NR3C2: variants seen among roughly 807,000 people sequenced by gnomAD.
NR3C2 encodes nuclear receptor subfamily 3 group C member 2.
Under a neutral mutation model 86.4 loss-of-function variants are expected in NR3C2, and 15 were observed. The observed-to-expected ratio is 0.17, with a 90% confidence interval of 0.12 to 0.27. NR3C2 has a LOEUF of 0.27. Ranked by LOEUF, NR3C2 falls within the 10% of genes least tolerant of loss-of-function variation. The pLI is 1.00. For synonymous variants in NR3C2, 458 were observed against 450.5 expected, an observed-to-expected ratio of 1.02 and a Z score of -0.21; for missense variants, 960 against 1,195.6, an observed-to-expected ratio of 0.80 and a Z score of 2.91.
At chr4:148,125,509 A>C (rs539821478) in intron 6 of NR3C2, among the ~76,000 whole-genome samples, 33 of 152,318 alleles carry the variant, frequency 2.2e-4, no homozygotes, top group African/African-American at 7.9e-4. Context: ...TCTGCTTTAA[A>C]GCACCCTGCC....
At chr4:148,320,652 G>A (rs1314852466) in intron 2 of NR3C2, among the ~76,000 whole-genome samples, 1 of 151,802 alleles carries the variant, frequency 6.6e-6, no homozygotes, top group African/African-American at 2.4e-5. Context: ...AGATTTTCTA[G>A]TTTATTTGCA....
intron 2 of NR3C2, among the ~76,000 whole-genome samples, chr4:148,319,117 C>A (rs1445074151): frequency 6.6e-6 from 1 of 151,494 alleles, no homozygotes; most frequent in Non-Finnish European, 1.5e-5. Flanking sequence ...TTCCCAGCAC[C>A]ATTTATTAAA....
chr4:148,154,456 A>AC, intron 5 of NR3C2, 95 bp downstream of exon 5: 1 of 1,132,508 alleles, frequency 8.8e-7, no homozygotes, highest in African/African-American at 1.5e-5. Context: ...ATTTCATAGA[A>AC]CGCAAACTCC....
intron 6 of NR3C2, among the ~76,000 whole-genome samples, chr4:148,138,227 AC>A (rs1733441949): frequency 6.6e-6 from 1 of 152,036 alleles, no homozygotes; most frequent in African/African-American, 2.4e-5. Context: ...ACCGGGGCTT[AC>A]GTCTTCAACA....
chr4:148,386,297 T>G (rs1024625505), intron 2 of NR3C2, among the ~76,000 whole-genome samples: 1 of 152,166 alleles, frequency 6.6e-6, no homozygotes, highest in African/African-American at 2.4e-5. Flanking sequence ...GCCACTCCCT[T>G]GTGTGGTCAC....
chr4:148,232,690 G>A lies in NR3C2; in HGVS notation c.1897+27288C>T, dbSNP rs142799904. ...GCACTGTCTTCTTCTAACTATCAAA[G>A]TCATAGGTGGCATCTATCTTCCAAT... On this transcript the variant is annotated intron_variant, in intron 3 of 8. Transcript: ENST00000358102. Among the ~76,000 whole-genome samples the A allele has an allele frequency of 3.8e-4, 58 of 152,272 alleles. No individual in the cohort carries two copies. In the East Asian group the frequency reaches 0.01, roughly 27 times the overall value.
At chr4:148,413,555 A>G (rs909048461) in intron 2 of NR3C2, among the ~76,000 whole-genome samples, 4 of 152,044 alleles carry the variant, frequency 2.6e-5, no homozygotes, top group African/African-American at 9.7e-5. Context: ...AAGCACAAGC[A>G]GTAGACTGGG....
intron 2 of NR3C2, among the ~76,000 whole-genome samples, chr4:148,384,038 G>A (rs539122916): frequency 6.6e-6 from 1 of 150,842 alleles, no homozygotes; most frequent in East Asian, 1.9e-4. Flanking sequence ...GGTTTTTGTT[G>A]GTTTGTAAGA....
At chr4:148,428,374 A>AT (rs1328051729) in intron 2 of NR3C2, among the ~76,000 whole-genome samples, 2 of 152,172 alleles carry the variant, frequency 1.3e-5, no homozygotes, top group African/African-American at 4.8e-5. Flanking sequence ...CTGCCCTTTA[A>AT]TTTTCAAAAG....
intron 2 of NR3C2, among the ~76,000 whole-genome samples, chr4:148,265,940 A>T (rs1197065438): frequency 1.3e-5 from 2 of 152,218 alleles, no homozygotes; most frequent in Admixed American, 6.5e-5. Flanking sequence ...GTCATGGCGA[A>T]TAGAGAGACA....
chr4:148,264,204 T>A (rs1250127279), intron 2 of NR3C2, among the ~76,000 whole-genome samples: 1 of 152,220 alleles, frequency 6.6e-6, no homozygotes, highest in African/African-American at 2.4e-5. Context: ...ATATGCATTA[T>A]TAACACAAGA....
intron 3 of NR3C2, chr4:148,208,690 T>C (rs1737127258): frequency 6.6e-6 from 1 of 152,326 alleles, no homozygotes; most frequent in African/African-American, 2.4e-5. Flanking sequence ...CACTCTGCCT[T>C]CTGGGCTGGA....
intron 2 of NR3C2, among the ~76,000 whole-genome samples, chr4:148,372,801 C>A (rs1746484622): frequency 6.6e-6 from 1 of 152,180 alleles, no homozygotes; most frequent in African/African-American, 2.4e-5. Flanking sequence ...ATATGCTAAT[C>A]CTTCCACTGA....
intron 6 of NR3C2, among the ~76,000 whole-genome samples, chr4:148,136,469 A>G (rs1733348331): frequency 6.6e-6 from 1 of 152,054 alleles, no homozygotes. Flanking sequence ...TGACAGCTTC[A>G]ACTCTGGATT....
At chr4:148,407,368 T>A (rs183082260) in intron 2 of NR3C2, among the ~76,000 whole-genome samples, 6 of 152,304 alleles carry the variant, frequency 3.9e-5, no homozygotes, top group African/African-American at 1.4e-4. Context: ...TCAGAGTCAA[T>A]GGCCGTAAGT....
chr4:148,104,876 G>A (rs934015882), intron 8 of NR3C2, among the ~76,000 whole-genome samples: 1 of 152,226 alleles, frequency 6.6e-6, no homozygotes, highest in South Asian at 2.1e-4. Flanking sequence ...CACTCTTTCT[G>A]TTGTCCGCAG....
upstream of NR3C2, chr4:148,444,484 C>G (rs983821132): frequency 1.0e-6 from 1 of 985,926 alleles, no homozygotes; most frequent in Non-Finnish European, 1.2e-6. Flanking sequence ...TCCGGACCCC[C>G]TCTCGCCGCT....
intron 3 of NR3C2, among the ~76,000 whole-genome samples, chr4:148,221,095 A>AAT (rs1300989262): frequency 1.3e-5 from 2 of 152,162 alleles, no homozygotes; most frequent in African/African-American, 4.8e-5. Flanking sequence ...TCTGTACATT[A>AAT]TATGGGGCTC....
intron 3 of NR3C2, among the ~76,000 whole-genome samples, chr4:148,195,753 G>A (rs1216897127): frequency 6.6e-6 from 1 of 152,200 alleles, no homozygotes; most frequent in Non-Finnish European, 1.5e-5. Flanking sequence ...GTGGTAGAGA[G>A]GAAGGTGAGG....
Sources: gnomAD v4.1 joint callset for allele counts (sites outside exome capture counted in the v4.1 genomes callset) on GRCh38, gnomAD v4.1.1 for gene constraint, MANE v1.5 for transcripts, NCBI Gene and HGNC (gene_info 2026-07-23, HGNC 2026-07-21) for gene names.